The following DNAH10 variants were observed in gnomAD, a reference collection of about 807,000 sequenced individuals.
DNAH10 encodes axonemal beta dynein heavy chain 10.
DNAH10 carries 348 observed loss-of-function variants against 506.6 expected under a neutral mutation model. That is an observed-to-expected ratio of 0.69 (90% CI 0.63 to 0.75). The LOEUF is 0.75. Among genes scored for constraint, DNAH10 ranks in the 30% least tolerant of loss-of-function variants. The pLI is 0.00. For missense variants in DNAH10, 5,179 were observed against 5,787.1 expected (o/e 0.89, Z 3.41); for synonymous variants, 2,059 against 2,198.6 (o/e 0.94, Z 1.78).
At position 123,850,919 on chromosome 12, in the gene DNAH10, G is replaced by C. The variant is rs370827875; in HGVS notation, c.6134G>C (p.Arg2045Pro). Residue 2045 changes from arginine to proline, a missense_variant, in exon 35 of 79, where the codon CGC (arginine) becomes CCC (proline). Transcript: ENST00000673944. The surrounding 1 kb of genome is among the most constrained non-coding windows in gnomAD (Gnocchi z 5.5). ...FEGQEISLDS[R>P]MGIFITMNPG... ...GGGCAGGAGATTTCCCTGGACTCCC[G>C]CATGGGCATCTTCATCACCATGAAC... The C allele has an allele frequency of 1.9e-6, 3 of 1,613,254 alleles. No homozygotes were observed. The African/African-American group carries it at 4.0e-5, about 22-fold the overall frequency.
At position 123,833,240 on chromosome 12, in the gene DNAH10, A is replaced by G; in HGVS notation, c.4672A>G (p.Asn1558Asp). The G allele has an allele frequency of 2.5e-6, 4 of 1,613,934 alleles. No individual in the cohort carries two copies. The highest frequency in any genetic ancestry group is 3.4e-6 in the Non-Finnish European group (4 of 1,179,874). ...CGAAATTATTCAGTCTCTTGATGACAACACTTTCAACCTGCAGAGCATCTC... is the reference window on the plus strand; with the variant it reads ...CGAAATTATTCAGTCTCTTGATGACGACACTTTCAACCTGCAGAGCATCTC... ...VDEIIQSLDDNTFNLQSISGS... is the reference protein window; with the variant it reads ...VDEIIQSLDDDTFNLQSISGS... The change falls in exon 27 of 79, where the codon AAC (asparagine) becomes GAC (aspartate). Residue 1558 changes from asparagine to aspartate, a missense_variant. Transcript: ENST00000673944.
intron 38 of DNAH10, among the ~76,000 whole-genome samples, chr12:123,860,516 G>GGATT (rs1951570423): frequency 6.6e-6 from 1 of 152,100 alleles, no homozygotes; most frequent in African/African-American, 2.4e-5. Flanking sequence ...AGTGCTGCAG[G>GGATT]GATTTACAGG....
Position 123,850,833 on chromosome 12 carries a change from G to A in DNAH10, c.6103-55G>A. 3 of 1,552,750 alleles carry A rather than the reference G, an allele frequency of 1.9e-6. No individual in the cohort carries two copies. The highest frequency in any genetic ancestry group is 1.2e-5 in the South Asian group (1 of 82,180). On this transcript the variant is annotated intron_variant, in intron 34 of 78. Transcript: ENST00000673944. The surrounding 1 kb of genome is among the most constrained non-coding windows in gnomAD (Gnocchi z 5.5). The stretch of plus-strand genomic sequence containing the variant: ...TCGCCGCAGGCCCCCTTTCCAAGGG[G>A]CTGGCCGGCCGGGCCACCTAACTGC...
At position 123,926,481 on chromosome 12, in the gene DNAH10, A is replaced by G. The variant is rs1331094583; in HGVS notation, c.11922-156A>G. ...ATCAGGGTGGGAGACGTGCATAGAA[A>G]CTAGAATCTAAAACAGGGAAGACTG... On this transcript the variant is annotated intron_variant, in intron 68 of 78. Transcript: ENST00000673944. This position sits in a 1 kb window ranked among gnomAD's most constrained non-coding sequence, Gnocchi z 4.1. The G allele has an allele frequency of 7.9e-6, 6 of 758,790 alleles. No individual in the cohort carries two copies. Among genetic ancestry groups the G allele is most frequent in the African/African-American group, 1.8e-5 (1 of 55,954 alleles). 47.0% of individuals were successfully genotyped at this position (758,790 alleles called of 1,614,324 possible). A position where few individuals can be genotyped will look rare whatever the true frequency, so the allele number is the denominator to read the frequency against.
chr12:123,794,035 C>A lies in DNAH10; in HGVS notation c.1909C>A (p.His637Asn). ...ATTTGACATGCTTTTAAAATTTAAG[C>A]ACATTCGTTCACGGGAGGCTGTTAA... is the stretch of plus-strand genomic sequence containing the variant. ...AAFDMLLKFK[H>N]IRSREAVNRQ... The change falls in exon 12 of 79, where the codon CAC becomes AAC. Residue 637 changes from histidine to asparagine, a missense_variant. Physicochemically the swap from His to Asn is moderately conservative, Grantham distance 68. This residue lies in a region of DNAH10 where 4,844 missense variants were observed against 5,430.5 expected (regional missense o/e 0.89). Transcript: ENST00000673944. 2.3e-6 allele frequency: 3 copies of A among 1,286,876 alleles called. No individual in the cohort carries two copies. The highest frequency in any genetic ancestry group is 3.0e-6 in the Non-Finnish European group (3 of 987,072). The allele number at this position is 1,286,876 out of a possible 1,614,324, so 79.7% of individuals were successfully genotyped here. A position where few individuals can be genotyped will look rare whatever the true frequency, so the allele number is the denominator to read the frequency against.
intron 66 of DNAH10, 31 bp from the exon 67 acceptor site, chr12:123,924,247 T>C: frequency 1.3e-6 from 2 of 1,583,552 alleles, no homozygotes; most frequent in South Asian, 1.1e-5. Context: ...AGTGGTACAA[T>C]GGCTGCTTGC....
chr12:123,824,849 C>T (rs1307333727), intron 24 of DNAH10, among the ~76,000 whole-genome samples: 1 of 152,128 alleles, frequency 6.6e-6, no homozygotes. Context: ...AGTATGACCT[C>T]ACCCTAACTA....
Position 123,926,817 on chromosome 12 carries a change from A to C in DNAH10, c.12102A>C (p.Glu4034Asp). Residue 4034 changes from glutamate to aspartate, a missense_variant, in exon 69 of 79, where the codon GAA (glutamate) becomes GAC (aspartate). Glu to Asp is a conservative substitution (Grantham distance 45). Coordinates refer to ENST00000673944, the MANE Select transcript of DNAH10 (RefSeq NM_001372106.1). The surrounding 1 kb of genome is among the most constrained non-coding windows in gnomAD (Gnocchi z 4.1). ...LKFLAMGQGQEKVALQLLETA... is the reference protein window; with the variant it reads ...LKFLAMGQGQDKVALQLLETA... ...TCCTTGCAATGGGTCAAGGTCAAGA[A>C]AAGGTAATTTGTGGCTGAAAGGAAC... 6.2e-7 allele frequency: 1 copy of C among 1,613,808 alleles called. No homozygotes were observed. The highest frequency in any genetic ancestry group is 8.5e-7 in the Non-Finnish European group (1 of 1,179,836).
In DNAH10 at chr12:123,902,796, G is replaced by A. The variant is rs1953584609; in HGVS notation, c.9641-143G>A. The A allele has an allele frequency of 9.3e-7, 1 of 1,077,520 alleles. No homozygotes were observed. Among genetic ancestry groups the A allele is most frequent in the Non-Finnish European group, 1.3e-6 (1 of 772,722 alleles). The allele number at this position is 1,077,520 out of a possible 1,614,324, so 66.7% of individuals were successfully genotyped here. ...GGTTTTCTGTCCCACCAGGATCACT[G>A]AGGCTGCCACATTGGCCAGAGCCCC... On this transcript the variant is annotated intron_variant, in intron 56 of 78. Coordinates refer to ENST00000673944, the MANE Select transcript of DNAH10 (RefSeq NM_001372106.1). The surrounding 1 kb of genome is among the most constrained non-coding windows in gnomAD (Gnocchi z 4.5).
chr12:123,769,048 T>C (rs1208059149), intron 2 of DNAH10, among the ~76,000 whole-genome samples: 1 of 152,240 alleles, frequency 6.6e-6, no homozygotes, highest in African/African-American at 2.4e-5. Flanking sequence ...CAAGCATTTA[T>C]TTTTAACCAA....
rs1953634681 is a variant in DNAH10, at chr12:123,903,615, GT to G, written c.9815+503del. Among the ~76,000 whole-genome samples the G allele has an allele frequency of 6.6e-6, 1 of 152,214 alleles. No homozygotes were observed. The highest frequency in any genetic ancestry group is 2.4e-5 in the African/African-American group (1 of 41,446). ...CCCCATACATCTTGCAAATCAATCT[GT>G]AAGATGACCCTGTCCCCCACACCAG... On this transcript the variant is annotated intron_variant, in intron 57 of 78. Transcript: ENST00000673944. This position sits in a 1 kb window ranked among gnomAD's most constrained non-coding sequence, Gnocchi z 4.6.
At chr12:123,823,058 A>T (rs976740881) in intron 24 of DNAH10, among the ~76,000 whole-genome samples, 1 of 152,220 alleles carries the variant, frequency 6.6e-6, no homozygotes, top group African/African-American at 2.4e-5. Flanking sequence ...AGGTGGACAG[A>T]GTCCTGAGCT....
rs573095976 is a variant in DNAH10, at chr12:123,767,661, A to G, written c.270A>G (p.Gln90=). ...EGEEEEETYS[Q]KVESVDKVRA... ...AAGAGGAAGAAGAGACTTATTCTCA[A>G]AAAGTGGAGTCCGTGGATAAAGTGC... is the stretch of plus-strand genomic sequence containing the variant. Residue 90 remains glutamine, a synonymous_variant, in exon 2 of 79, where the codon CAA becomes CAG. Coordinates refer to ENST00000673944, the MANE Select transcript of DNAH10 (RefSeq NM_001372106.1). 8 of 1,612,608 alleles carry G rather than the reference A, an allele frequency of 5.0e-6. No individual in the cohort carries two copies. The Admixed American group carries it at 1.3e-4, about 27-fold the overall frequency.
In DNAH10 at chr12:123,804,910, A is replaced by G; in HGVS notation, c.2857A>G (p.Ile953Val). ...VDHMVRWYLA[I>V]GPLLTKVEGL... is the part of the protein sequence containing the mutation. Reference sequence around the variant, plus strand: ...CCACATGGTCCGGTGGTATCTTGCCATTGGACCACTGCTGACCAAAGTTGA... The same window carrying G: ...CCACATGGTCCGGTGGTATCTTGCCGTTGGACCACTGCTGACCAAAGTTGA... The change falls in exon 18 of 79, where the codon ATT becomes GTT. Residue 953 changes from isoleucine to valine, a missense_variant. By Grantham distance (29) the Ile-to-Val change is conservative (BLOSUM62 3). This residue lies in a region of DNAH10 where 4,844 missense variants were observed against 5,430.5 expected (regional missense o/e 0.89). Transcript: ENST00000673944. The G allele has an allele frequency of 6.2e-7, 1 of 1,614,024 alleles. No homozygotes were observed. The highest frequency in any genetic ancestry group is 8.5e-7 in the Non-Finnish European group (1 of 1,180,034).
rs1259781377 is a variant in DNAH10 at position 123,929,776 on chromosome 12, A to G, written c.12612+17A>G. 8 of 1,601,916 alleles carry G rather than the reference A, an allele frequency of 5.0e-6. No individual in the cohort carries two copies. Among genetic ancestry groups the G allele is most frequent in the Non-Finnish European group, 5.1e-6 (6 of 1,174,294 alleles). On this transcript the variant is annotated intron_variant, in intron 72 of 78. Transcript: ENST00000673944. Reference sequence around the variant, plus strand: ...ATTGGAGAGGTAGGGGTGACCGGGGATCCTTCCGCAGGTGCCTCTGGGGCT... The same window carrying G: ...ATTGGAGAGGTAGGGGTGACCGGGGGTCCTTCCGCAGGTGCCTCTGGGGCT...
chr12:123,905,352 G>T (rs777442695), intron 57 of DNAH10, among the ~76,000 whole-genome samples: 10 of 152,140 alleles, frequency 6.6e-5, no homozygotes, highest in Non-Finnish European at 1.2e-4. Flanking sequence ...AGTTCATTGT[G>T]CACGTGGGCG....
chr12:123,826,768 A>G lies in DNAH10; in HGVS notation c.4261A>G (p.Arg1421Gly), dbSNP rs1326067527. 4 of 1,612,860 alleles carry G rather than the reference A, an allele frequency of 2.5e-6. No individual in the cohort carries two copies. The highest frequency in any genetic ancestry group is 3.4e-6 in the Non-Finnish European group (4 of 1,178,862). Reference sequence around the variant, plus strand: ...CCAGGAAGGAATTGAAGGTTTTCTCAGGGCTCTCAGAAAGCTACCTCGGCC... The same window carrying G: ...CCAGGAAGGAATTGAAGGTTTTCTCGGGGCTCTCAGAAAGCTACCTCGGCC... ...ILQEGIEGFL[R>G]ALRKLPRPVR... is the part of the protein sequence containing the mutation. The change falls in exon 25 of 79, where the codon AGG (arginine) becomes GGG (glycine). Residue 1421 changes from arginine to glycine, a missense_variant. Arg to Gly is a moderately radical substitution (Grantham distance 125, BLOSUM62 -2). Around this residue, in one of 3 missense-constraint regions of DNAH10, gnomAD observed 4,844 missense variants for 5,430.5 expected, o/e 0.89. Coordinates refer to ENST00000673944, the MANE Select transcript of DNAH10 (RefSeq NM_001372106.1).
At chr12:123,861,271 G>T in intron 39 of DNAH10, 101 bp downstream of exon 39, 1 of 1,397,708 alleles carries the variant, frequency 7.2e-7, no homozygotes, top group East Asian at 2.4e-5. Flanking sequence ...TTCATGCTTG[G>T]ATTTCAACAG....
chr12:123,879,586 C>A, intron 49 of DNAH10, 48 bp from the exon 50 acceptor site: 1 of 1,609,042 alleles, frequency 6.2e-7, no homozygotes, highest in Non-Finnish European at 8.5e-7. Context: ...AGTTTCAGGC[C>A]GTGTACTGTT....
Sources: allele counts gnomAD v4.1 joint callset (sites outside exome capture counted in the v4.1 genomes callset), GRCh38; gene constraint gnomAD v4.1.1; regional missense constraint gnomAD v4.1.1; non-coding constraint Gnocchi (gnomAD v3.1); transcripts MANE v1.5; gene names NCBI Gene and HGNC (gene_info 2026-07-23, HGNC 2026-07-21).